Variants in ASAP1 observed in about 807,000 individuals in gnomAD.
ASAP1 encodes ArfGAP with SH3 domain, ankyrin repeat and PH domain 1.
A neutral mutation model predicts 145.2 loss-of-function variants in ASAP1; 43 were observed. That is an observed-to-expected ratio of 0.30 (90% CI 0.23 to 0.38). The LOEUF (loss-of-function observed/expected upper bound fraction) is 0.38. Among genes scored for constraint, ASAP1 ranks in the 10% least tolerant of loss-of-function variants. The pLI is 1.00. For synonymous variants in ASAP1, 546 were observed against 515.5 expected (o/e 1.06, Z -0.80); for missense variants, 1,018 against 1,355.3 (o/e 0.75, Z 3.91).
intron 15 of ASAP1, among the ~76,000 whole-genome samples, chr8:130,129,277 G>A (rs373614267): frequency 2.6e-5 from 4 of 152,114 alleles, no homozygotes; most frequent in Non-Finnish European, 4.4e-5. Flanking sequence ...GTGTGAGAAC[G>A]GGCTAATAGA....
At chr8:130,396,838 G>A (rs1828553232) in intron 2 of ASAP1, among the ~76,000 whole-genome samples, 1 of 152,206 alleles carries the variant, frequency 6.6e-6, no homozygotes, top group African/African-American at 2.4e-5. Context: ...GAGGGAGGAG[G>A]AGTCACAGAG....
chr8:130,264,247 T>C (rs895236464), intron 3 of ASAP1, among the ~76,000 whole-genome samples: 1 of 152,172 alleles, frequency 6.6e-6, no homozygotes, highest in East Asian at 1.9e-4. Context: ...GGATTGGAAA[T>C]GGAGAGAGAA....
chr8:130,353,767 A>G (rs934701375), intron 3 of ASAP1, among the ~76,000 whole-genome samples: 7 of 152,298 alleles, frequency 4.6e-5, no homozygotes, highest in Non-Finnish European at 7.4e-5. Flanking sequence ...CTGCCCCAGG[A>G]GGCAGAGGTG....
chr8:130,290,235 C>G (rs1366057494), intron 3 of ASAP1, among the ~76,000 whole-genome samples: 1 of 152,160 alleles, frequency 6.6e-6, no homozygotes, highest in African/African-American at 2.4e-5. Context: ...CTCGCATATT[C>G]TACTTTGGAT....
intron 3 of ASAP1, among the ~76,000 whole-genome samples, chr8:130,277,956 C>G (rs1307520986): frequency 6.6e-6 from 1 of 150,800 alleles, no homozygotes; most frequent in Non-Finnish European, 1.5e-5. Flanking sequence ...CTCAAGGGAG[C>G]AAATAAATTC....
rs1394896918 is a variant in ASAP1 at position 130,358,651 on chromosome 8, G to A, written c.60-508C>T. On this transcript the variant is annotated intron_variant, in intron 2 of 29. Transcript: ENST00000518721. This position sits in a 1 kb window ranked among gnomAD's most constrained non-coding sequence, Gnocchi z 4.1. Reference sequence around the variant, plus strand: ...CGGGCGGCGCTCGCGCTGCAGTCACGGGGCCAAACAAGGAAGTGCTCTGCG... The same window carrying A: ...CGGGCGGCGCTCGCGCTGCAGTCACAGGGCCAAACAAGGAAGTGCTCTGCG... Among the ~76,000 whole-genome samples, 1 of 146,892 alleles carries A rather than the reference G, an allele frequency of 6.8e-6. No individual in the cohort carries two copies. Among genetic ancestry groups the A allele is most frequent in the Non-Finnish European group, 1.5e-5 (1 of 65,966 alleles).
rs2097501553 is a variant in ASAP1 at position 130,089,723 on chromosome 8, C to T, written c.2572+2250G>A. On this transcript the variant is annotated intron_variant, in intron 25 of 29. Transcript: ENST00000518721. The stretch of plus-strand genomic sequence containing the variant: ...ACTATAACCTTTCTAAGGAGAAGTC[C>T]AGCCGTGTATGAATGCACCCACACA... Among the ~76,000 whole-genome samples the T allele has an allele frequency of 2.6e-5, 4 of 152,154 alleles. No individual in the cohort carries two copies. In the South Asian group the frequency reaches 8.3e-4, roughly 32 times the overall value.
intron 27 of ASAP1, among the ~76,000 whole-genome samples, chr8:130,070,981 G>A (rs1592733081): frequency 4.6e-5 from 2 of 43,176 alleles, no homozygotes; most frequent in African/African-American, 1.4e-4. Flanking sequence ...GAGGGGGAGG[G>A]GGGGAGAGAG....
intron 1 of ASAP1, among the ~76,000 whole-genome samples, chr8:130,407,765 T>C (rs1456232627): frequency 6.6e-6 from 1 of 152,236 alleles, no homozygotes. Context: ...ATTTGGTACA[T>C]AAACCCTTCT....
intron 4 of ASAP1, among the ~76,000 whole-genome samples, chr8:130,228,727 T>A: frequency 6.7e-6 from 1 of 148,814 alleles, no homozygotes; most frequent in African/African-American, 2.5e-5. Context: ...AAAAAGAATC[T>A]AAATAATGAA....
chr8:130,142,206 C>T (rs979634611), intron 13 of ASAP1, among the ~76,000 whole-genome samples: 1 of 152,190 alleles, frequency 6.6e-6, no homozygotes, highest in Non-Finnish European at 1.5e-5. Flanking sequence ...AGAGCCCCCA[C>T]TCCTTCTCTT....
intron 2 of ASAP1, among the ~76,000 whole-genome samples, chr8:130,387,837 A>C (rs1828094629): frequency 6.6e-6 from 1 of 152,220 alleles, no homozygotes; most frequent in African/African-American, 2.4e-5. Flanking sequence ...ATATTTACTG[A>C]ACATCTATGT....
chr8:130,270,935 G>T (rs1820548357), intron 3 of ASAP1, among the ~76,000 whole-genome samples: 1 of 152,212 alleles, frequency 6.6e-6, no homozygotes, highest in African/African-American at 2.4e-5. Context: ...ACCCTACAGT[G>T]TAAGATGAGT....
At chr8:130,438,780 G>C (rs2138832741) in intron 1 of ASAP1, among the ~76,000 whole-genome samples, 1 of 152,268 alleles carries the variant, frequency 6.6e-6, no homozygotes, top group East Asian at 1.9e-4. Flanking sequence ...CTCTGACGAA[G>C]GAGTGACTGT....
chr8:130,250,132 T>C (rs1335498368), intron 3 of ASAP1, among the ~76,000 whole-genome samples: 4 of 152,268 alleles, frequency 2.6e-5, no homozygotes, highest in East Asian at 1.9e-4. Flanking sequence ...CAGGCTCAGA[T>C]TCTAATTCCA....
At chr8:130,364,292 G>A (rs1225585470) in intron 2 of ASAP1, among the ~76,000 whole-genome samples, 1 of 152,254 alleles carries the variant, frequency 6.6e-6, no homozygotes, top group Non-Finnish European at 1.5e-5. Flanking sequence ...ACTCAGGGAT[G>A]TATTTCTGTT....
chr8:130,209,435 A>G (rs576220439), intron 5 of ASAP1, among the ~76,000 whole-genome samples: 38 of 152,268 alleles, frequency 2.5e-4, no homozygotes, highest in Admixed American at 7.2e-4. Flanking sequence ...CTGTGTTGAC[A>G]TTTGCACTGA....
At chr8:130,439,341 T>A (rs1016113060) in intron 1 of ASAP1, among the ~76,000 whole-genome samples, 1 of 152,296 alleles carries the variant, frequency 6.6e-6, no homozygotes, top group South Asian at 2.1e-4. Context: ...CCTCCAGAAC[T>A]GTAAGATAGT....
chr8:130,109,845 C>A (rs1476750341), intron 24 of ASAP1, among the ~76,000 whole-genome samples: 1 of 152,228 alleles, frequency 6.6e-6, no homozygotes, highest in Non-Finnish European at 1.5e-5. Context: ...GAAGGCTGTA[C>A]TCCCTATGTC....
Sources: gnomAD v4.1 joint callset for allele counts (sites outside exome capture counted in the v4.1 genomes callset) on GRCh38, gnomAD v4.1.1 for gene constraint, Gnocchi (gnomAD v3.1) non-coding constraint, MANE v1.5 for transcripts, NCBI Gene and HGNC (gene_info 2026-07-23, HGNC 2026-07-21) for gene names.